BICD1: variants seen among roughly 807,000 people sequenced by gnomAD.
The protein encoded by BICD1 is BICD cargo adaptor 1, also known as protein bicaudal D homolog 1.
BICD1 carries 35 observed loss-of-function variants against 92.5 expected under a neutral mutation model. The ratio of observed to expected loss-of-function variants is 0.38; its 90% CI spans 0.29 to 0.50. The LOEUF is 0.50. BICD1 is among the 20% of genes least tolerant of loss of function. The probability of loss-of-function intolerance (pLI) is 0.93; values close to 1 mark genes in which losing one functional copy is unlikely to be tolerated. For synonymous variants in BICD1, 429 were observed against 465.1 expected (o/e 0.92, Z 1.00); for missense variants, 950 against 1,189.8 (o/e 0.80, Z 2.97).
intron 9 of BICD1, 150 bp downstream of exon 9, chr12:32,367,895 C>A (rs1939586677): frequency 3.0e-6 from 2 of 677,200 alleles, no homozygotes; most frequent in African/African-American, 3.6e-5. Context: ...CATTGGACAC[C>A]TGCAGTCCCT....
intron 2 of BICD1, among the ~76,000 whole-genome samples, chr12:32,243,452 TA>T (rs1418460122): frequency 6.6e-6 from 1 of 151,970 alleles, no homozygotes; most frequent in African/African-American, 2.4e-5. Context: ...GAAATATAAT[TA>T]AAATTTATTG....
chr12:32,123,588 C>T (rs1269410384), intron 1 of BICD1, among the ~76,000 whole-genome samples: 1 of 152,156 alleles, frequency 6.6e-6, no homozygotes, highest in Non-Finnish European at 1.5e-5. Context: ...TTAAGACAGC[C>T]AGTTGTGGTC....
chr12:32,132,892 T>C (rs1942602249), intron 1 of BICD1, among the ~76,000 whole-genome samples: 1 of 152,106 alleles, frequency 6.6e-6, no homozygotes, highest in Non-Finnish European at 1.5e-5. Context: ...TAAGAGATGA[T>C]GGTGGCTTAG....
At chr12:32,324,931 T>A in intron 4 of BICD1, among the ~76,000 whole-genome samples, 1 of 152,156 alleles carries the variant, frequency 6.6e-6, no homozygotes, top group Middle Eastern at 3.2e-3. Context: ...CTAAATTTCT[T>A]TGGGTGAACA....
At chr12:32,177,977 G>A (rs1944166336) in intron 1 of BICD1, among the ~76,000 whole-genome samples, 1 of 151,082 alleles carries the variant, frequency 6.6e-6, no homozygotes, top group Admixed American at 6.6e-5. Context: ...TGCATTCTAT[G>A]GCCCTGACTA....
rs368923339 is a variant in BICD1, at chr12:32,196,744, AATTAG to A, written c.214-19500_214-19496del. On this transcript the variant is annotated intron_variant, in intron 1 of 9. Transcript: ENST00000652176. ...AGTTGACGATACTGTGTTTACTTGA[AATTAG>A]ATAAGAAGATAGATTTTAAGTGTCA... Among the ~76,000 whole-genome samples the A allele has an allele frequency of 2.1e-3, 315 of 152,282 alleles. 2 individuals are homozygous for A. Among genetic ancestry groups the A allele is most frequent in the African/African-American group, 7.0e-3 (291 of 41,554 alleles).
chr12:32,269,625 T>G (rs948597217), intron 2 of BICD1, among the ~76,000 whole-genome samples: 4 of 152,230 alleles, frequency 2.6e-5, no homozygotes, highest in Admixed American at 2.6e-4. Flanking sequence ...CCAACAGTTT[T>G]ATAGATGAAA....
chr12:32,188,715 C>T (rs1471113130), intron 1 of BICD1, among the ~76,000 whole-genome samples: 1 of 151,582 alleles, frequency 6.6e-6, no homozygotes, highest in Non-Finnish European at 1.5e-5. Context: ...GTGTTTTTGG[C>T]ACTGAATCTT....
intron 2 of BICD1, among the ~76,000 whole-genome samples, chr12:32,272,425 AC>A (rs1947166059): frequency 6.6e-6 from 1 of 152,344 alleles, no homozygotes; most frequent in African/African-American, 2.4e-5. Context: ...TTAATCTATA[AC>A]TAAGATCTGA....
At chr12:32,368,785 C>T (rs2136333256) in intron 9 of BICD1, among the ~76,000 whole-genome samples, 1 of 152,226 alleles carries the variant, frequency 6.6e-6, no homozygotes, top group South Asian at 2.1e-4. Flanking sequence ...TGCAGTGGCT[C>T]ATGCTGGTAA....
intron 1 of BICD1, among the ~76,000 whole-genome samples, chr12:32,133,191 T>C (rs545800361): frequency 6.6e-6 from 1 of 152,248 alleles, no homozygotes; most frequent in South Asian, 2.1e-4. Flanking sequence ...AAAATAATTT[T>C]AAGATGAGTC....
chr12:32,155,802 G>A (rs996848309), intron 1 of BICD1, among the ~76,000 whole-genome samples: 8 of 152,224 alleles, frequency 5.3e-5, no homozygotes, highest in African/African-American at 1.9e-4. Context: ...TTTTATAAAA[G>A]TGATTTATAA....
chr12:32,305,037 A>AC (rs1251461265), intron 3 of BICD1, among the ~76,000 whole-genome samples: 2 of 152,086 alleles, frequency 1.3e-5, no homozygotes, highest in African/African-American at 4.8e-5. Context: ...AAACCAACCA[A>AC]CAAACAAACA....
intron 3 of BICD1, among the ~76,000 whole-genome samples, chr12:32,304,153 C>T (rs1432941889): frequency 6.6e-6 from 1 of 152,124 alleles, no homozygotes; most frequent in Non-Finnish European, 1.5e-5. Context: ...CAGGCTACAT[C>T]CCAACTAAAT....
chr12:32,352,024 G>A (rs1293865564), intron 8 of BICD1, among the ~76,000 whole-genome samples: 1 of 151,074 alleles, frequency 6.6e-6, no homozygotes, highest in Admixed American at 6.6e-5. Context: ...GGCCAAGATG[G>A]TGAAACCCCA....
chr12:32,364,474 T>C (rs1186652568), intron 8 of BICD1, among the ~76,000 whole-genome samples: 3 of 152,158 alleles, frequency 2.0e-5, no homozygotes, highest in South Asian at 2.1e-4. Context: ...CAGGCTACAA[T>C]TGACACAACT....
At chr12:32,193,917 G>A (rs919549117) in intron 1 of BICD1, among the ~76,000 whole-genome samples, 2 of 152,144 alleles carry the variant, frequency 1.3e-5, no homozygotes, top group African/African-American at 4.8e-5. Context: ...TTCCAGATCA[G>A]TATCACTGAT....
chr12:32,113,710 A>ATTT (rs36110677), intron 1 of BICD1, among the ~76,000 whole-genome samples: 1 of 122,296 alleles, frequency 8.2e-6, no homozygotes. Flanking sequence ...TGCTTGGGTA[A>ATTT]TTTTTTTTTT....
At position 32,245,899 on chromosome 12, in the gene BICD1, G is replaced by T. The variant is rs867370738; in HGVS notation, c.426+29440G>T. On this transcript the variant is annotated intron_variant, in intron 2 of 9. Coordinates refer to ENST00000652176, the MANE Select transcript of BICD1 (RefSeq NM_001714.4). ...ACAAAAATTAGCCAGGTGTGGTGGC[G>T]CACACCTGTAGTCCCAGCTACTTGG... Among the ~76,000 whole-genome samples the T allele has an allele frequency of 6.6e-5, 10 of 151,372 alleles. No homozygotes were observed. The East Asian group carries it at 2.0e-3, about 30-fold the overall frequency.
Sources: allele counts gnomAD v4.1 joint callset (sites outside exome capture counted in the v4.1 genomes callset), GRCh38; gene constraint gnomAD v4.1.1; transcripts MANE v1.5; gene names NCBI Gene and HGNC (gene_info 2026-07-23, HGNC 2026-07-21).